The following IRAK4 variants were observed in gnomAD, a reference collection of about 807,000 sequenced individuals.
The protein encoded by IRAK4 is interleukin 1 receptor associated kinase 4, also known as interleukin-1 receptor-associated kinase 4.
A neutral mutation model predicts 51.8 loss-of-function variants in IRAK4; 44 were observed. That is an observed-to-expected ratio of 0.85 (90% CI 0.67 to 1.09). The LOEUF (loss-of-function observed/expected upper bound fraction) is 1.09. IRAK4 is among the 50% of genes least tolerant of loss of function. The probability of loss-of-function intolerance (pLI) is 0.00; values close to 1 mark genes in which losing one functional copy is unlikely to be tolerated. For missense variants in IRAK4, 487 were observed against 538.0 expected (o/e 0.91, Z 0.94); for synonymous variants, 149 against 174.1 (o/e 0.86, Z 1.13).
At chr12:43,786,614 C>T in intron 11 of IRAK4, 57 bp downstream of exon 11, 1 of 1,607,368 alleles carries the variant, frequency 6.2e-7, no homozygotes, top group Non-Finnish European at 8.5e-7. Flanking sequence ...ATCATATTTT[C>T]CAGAGTGTAT....
chr12:43,771,285 C>T lies in IRAK4; in HGVS notation c.227C>T (p.Thr76Ile), dbSNP rs200175187. Residue 76 changes from threonine (T) to isoleucine (I), a missense_variant, in exon 3 of 12, where the codon ACC becomes ATC. Coordinates refer to ENST00000613694, the MANE Select transcript of IRAK4 (RefSeq NM_016123.4). ...PTSELLFDWG[T>I]TNCTVGDLVD... ...TCTGAATTACTGTTTGACTGGGGCA[C>T]CACAAATTGCACAGTTGGTGATCTT... 3 of 1,613,904 alleles carry T rather than the reference C, an allele frequency of 1.9e-6. No individual in the cohort carries two copies. Among genetic ancestry groups the T allele is most frequent in the Non-Finnish European group, 2.5e-6 (3 of 1,179,926 alleles).
intron 6 of IRAK4, among the ~76,000 whole-genome samples, chr12:43,776,308 G>A (rs756747305): frequency 6.6e-6 from 1 of 152,116 alleles, no homozygotes; most frequent in Non-Finnish European, 1.5e-5. Context: ...TTATTGTGAG[G>A]ATTAAATAAA....
At chr12:43,767,518 T>C (rs184094963) in intron 1 of IRAK4, among the ~76,000 whole-genome samples, 12 of 152,218 alleles carry the variant, frequency 7.9e-5, no homozygotes, top group Non-Finnish European at 1.5e-4. Context: ...GCAAATGAAT[T>C]GTGGTCAGGC....
chr12:43,767,445 G>A (rs1460066660), intron 1 of IRAK4, among the ~76,000 whole-genome samples: 1 of 152,170 alleles, frequency 6.6e-6, no homozygotes, highest in Non-Finnish European at 1.5e-5. Flanking sequence ...AAGGGGGATT[G>A]CAGAAATAAA....
rs1942214797 is a variant in IRAK4 at position 43,786,405 on chromosome 12, A to G, written c.1195A>G (p.Ile399Val). Residue 399 changes from isoleucine (I) to valine (V), a missense_variant, in exon 11 of 12, where the codon ATT becomes GTT. Coordinates refer to ENST00000613694, the MANE Select transcript of IRAK4 (RefSeq NM_016123.4). ...EHREPQLLLD[I>V]KEEIEDEEKT... ...TTTAACACTCATTTTAAAGCTAGAT[A>G]TTAAAGAAGAAATTGAAGATGAAGA... 3.2e-6 allele frequency: 5 copies of G among 1,577,438 alleles called. No homozygotes were observed. Among genetic ancestry groups the G allele is most frequent in the East Asian group, 4.5e-5 (2 of 44,576 alleles).
chr12:43,785,779 A>G (rs920221721), intron 10 of IRAK4, among the ~76,000 whole-genome samples: 11 of 151,922 alleles, frequency 7.2e-5, no homozygotes, highest in African/African-American at 2.7e-4. Flanking sequence ...GACCTACGAC[A>G]TACCTGGGCT....
rs2137928779 is a variant in IRAK4, at chr12:43,771,062, C to A, written c.162-158C>A. The A allele has an allele frequency of 5.5e-6, 4 of 724,452 alleles. No homozygotes were observed. The South Asian group carries it at 6.0e-5, about 11-fold the overall frequency. 44.9% of individuals were successfully genotyped at this position (724,452 alleles called of 1,614,324 possible). On this transcript the variant is annotated intron_variant, in intron 2 of 11. Coordinates refer to ENST00000613694, the MANE Select transcript of IRAK4 (RefSeq NM_016123.4). ...GATGATGTAGCAAGAAGGCCCTAAC[C>A]AGATGCAGCCTCTCGATCTTGGACT...
chr12:43,782,520 T>G, intron 9 of IRAK4, 30 bp downstream of exon 9: 1 of 1,517,442 alleles, frequency 6.6e-7, no homozygotes, highest in South Asian at 1.1e-5. Flanking sequence ...TTATTAAAAA[T>G]AATCATTCTG....
intron 1 of IRAK4, among the ~76,000 whole-genome samples, chr12:43,765,418 G>T (rs1274731806): frequency 1.3e-5 from 2 of 152,118 alleles, no homozygotes; most frequent in African/African-American, 4.8e-5. Context: ...TGGGGGCATT[G>T]TCCCCATAAA....
chr12:43,770,991 C>T, intron 2 of IRAK4: 1 of 670,144 alleles, frequency 1.5e-6, no homozygotes, highest in South Asian at 1.5e-5. Context: ...TTCTCTTTCA[C>T]ATGCACGTGT....
At chr12:43,782,989 A>G (rs774627109) in intron 9 of IRAK4, among the ~76,000 whole-genome samples, 2 of 152,208 alleles carry the variant, frequency 1.3e-5, no homozygotes, top group Non-Finnish European at 2.9e-5. Flanking sequence ...TTAGAAAATA[A>G]TATTCTCCTA....
At chr12:43,762,433 A>G (rs1939661571) in intron 1 of IRAK4, among the ~76,000 whole-genome samples, 1 of 152,184 alleles carries the variant, frequency 6.6e-6, no homozygotes, top group Non-Finnish European at 1.5e-5. Flanking sequence ...TAGCTTTGTC[A>G]ATCATGTTGT....
intron 10 of IRAK4, 61 bp from the exon 11 acceptor site, chr12:43,786,338 T>C: frequency 9.9e-7 from 1 of 1,005,486 alleles, no homozygotes; most frequent in Non-Finnish European, 1.4e-6. Context: ...AATTAAAATA[T>C]ATATTCTATT....
At chr12:43,760,102 C>G (rs973391537) in intron 1 of IRAK4, among the ~76,000 whole-genome samples, 11 of 152,140 alleles carry the variant, frequency 7.2e-5, no homozygotes, top group African/African-American at 2.7e-4. Context: ...TTGAAGTTTG[C>G]TTTCTACCTC....
intron 3 of IRAK4, 139 bp downstream of exon 3, chr12:43,771,504 T>G (rs927366088): frequency 9.2e-6 from 8 of 870,780 alleles, no homozygotes; most frequent in Admixed American, 4.2e-5. Flanking sequence ...TCAGCACTCC[T>G]CAACTCTTTA....
chr12:43,772,092 A>G, intron 3 of IRAK4, 88 bp from the exon 4 acceptor site: 1 of 996,004 alleles, frequency 1.0e-6, no homozygotes. Flanking sequence ...AACTGGAATG[A>G]TATTAAATGA....
intron 1 of IRAK4, among the ~76,000 whole-genome samples, chr12:43,765,654 T>C (rs910526065): frequency 6.6e-6 from 1 of 151,850 alleles, no homozygotes; most frequent in Non-Finnish European, 1.5e-5. Context: ...TTGAAATCCA[T>C]GCATGGTTTT....
Position 43,778,233 on chromosome 12 carries a change from T to C in IRAK4, c.872T>C (p.Ile291Thr). ...PPLSWHMRCK[I>T]AQGAANGINF... Reference sequence around the variant, plus strand: ...CTTTCTTGGCACATGAGATGCAAGATTGCTCAGGGTGCAGCTAATGGCATC... The same window carrying C: ...CTTTCTTGGCACATGAGATGCAAGACTGCTCAGGGTGCAGCTAATGGCATC... Residue 291 changes from isoleucine to threonine, a missense_variant, in exon 8 of 12, where the codon ATT (isoleucine) becomes ACT (threonine). Ile to Thr is a moderately conservative substitution (Grantham distance 89). Transcript: ENST00000613694. The C allele has an allele frequency of 6.2e-7, 1 of 1,612,100 alleles. No homozygotes were observed.
At position 43,786,859 on chromosome 12, in the gene IRAK4, C is replaced by T. The variant is rs1038795401; in HGVS notation, c.*144C>T. 39 of 699,258 alleles carry T rather than the reference C, an allele frequency of 5.6e-5. No homozygotes were observed. The highest frequency in any genetic ancestry group is 9.9e-6 in the Non-Finnish European group (4 of 405,730). 43.3% of individuals were successfully genotyped at this position (699,258 alleles called of 1,614,324 possible). A position where few individuals can be genotyped will look rare whatever the true frequency, so the allele number is the denominator to read the frequency against. On this transcript the variant is annotated 3_prime_UTR_variant, in exon 12 of 12. Transcript: ENST00000613694. ...AGTGGTTATTAAAGCATGGGTTGAACTTCCAAAATATAAAAATAGAGCCAC... is the reference window on the plus strand; with the variant it reads ...AGTGGTTATTAAAGCATGGGTTGAATTTCCAAAATATAAAAATAGAGCCAC...
Sources: allele counts gnomAD v4.1 joint callset (sites outside exome capture counted in the v4.1 genomes callset), GRCh38; gene constraint gnomAD v4.1.1; transcripts MANE v1.5; gene names NCBI Gene and HGNC (gene_info 2026-07-23, HGNC 2026-07-21).